ZC3H8: variants seen among roughly 807,000 people sequenced by gnomAD.
The protein encoded by ZC3H8 is zinc finger CCCH domain-containing protein 8.
In ZC3H8, 27 loss-of-function variants were observed where a neutral mutation model predicts 42.5. The observed-to-expected ratio is 0.64, with a 90% confidence interval of 0.47 to 0.88. ZC3H8 has a LOEUF of 0.88. Among genes scored for constraint, ZC3H8 ranks in the 40% least tolerant of loss-of-function variants. ZC3H8 has a pLI of 0.00. For missense variants in ZC3H8, 277 were observed against 336.1 expected (o/e 0.82, Z 1.37); for synonymous variants, 101 against 110.1 (o/e 0.92, Z 0.52).
chr2:112,215,476 T>C lies in ZC3H8; in HGVS notation c.*1008A>G, dbSNP rs1417423592. The C allele has an allele frequency of 2.0e-5, 3 of 152,186 alleles. No homozygotes were observed. Among genetic ancestry groups the C allele is most frequent in the African/African-American group, 7.2e-5 (3 of 41,440 alleles). 9.4% of individuals were successfully genotyped at this position (152,186 alleles called of 1,614,324 possible). On this transcript the variant is annotated 3_prime_UTR_variant, in exon 9 of 9. Transcript: ENST00000409573. ...AATTCCCTTTCTTGCTTTAGCAGGA[T>C]TAGATAACAATGAAAATAACTTTGA...
chr2:112,222,388 G>C (rs1043849849), intron 8 of ZC3H8, among the ~76,000 whole-genome samples: 17 of 152,124 alleles, frequency 1.1e-4, no homozygotes, highest in Non-Finnish European at 1.8e-4. Flanking sequence ...TACAAGAGGT[G>C]GGGGGAGGGT....
chr2:112,215,704 G>C lies in ZC3H8; in HGVS notation c.*780C>G, dbSNP rs1684292305. ...CATATTTAGAATCTCATTATTATTT[G>C]TACTTGGAACATTAGTATTTGAATC... is the stretch of plus-strand genomic sequence containing the variant. On this transcript the variant is annotated 3_prime_UTR_variant, in exon 9 of 9. Coordinates refer to ENST00000409573, the MANE Select transcript of ZC3H8 (RefSeq NM_032494.3). 6.6e-6 allele frequency: 1 copy of C among 151,974 alleles called. No individual in the cohort carries two copies. Among genetic ancestry groups the C allele is most frequent in the African/African-American group, 2.4e-5 (1 of 41,368 alleles). 9.4% of individuals were successfully genotyped at this position (151,974 alleles called of 1,614,324 possible).
rs145856971 is a variant in ZC3H8 at position 112,252,325 on chromosome 2, A to T, written c.75-2053T>A. Among the ~76,000 whole-genome samples the T allele has an allele frequency of 2.8e-3, 432 of 152,302 alleles. 1 individual carries two copies. Among genetic ancestry groups the T allele is most frequent in the African/African-American group, 9.8e-3 (406 of 41,580 alleles). On this transcript the variant is annotated intron_variant, in intron 1 of 8. Transcript: ENST00000409573. ...CTCTCAAGATCCCTACCAAAACCTTAAAGTCAATCTTGATTCCTCTCTCAC... is the reference window on the plus strand; with the variant it reads ...CTCTCAAGATCCCTACCAAAACCTTTAAGTCAATCTTGATTCCTCTCTCAC...
At chr2:112,222,547 T>C (rs1286146141) in intron 8 of ZC3H8, among the ~76,000 whole-genome samples, 3 of 152,176 alleles carry the variant, frequency 2.0e-5, no homozygotes, top group African/African-American at 7.2e-5. Context: ...ACAAATACTA[T>C]ATGATTTCAC....
chr2:112,231,952 C>G lies in ZC3H8; in HGVS notation c.734-5G>C, dbSNP rs781135871. The G allele has an allele frequency of 3.4e-6, 5 of 1,467,638 alleles. No homozygotes were observed. The highest frequency in any genetic ancestry group is 4.7e-6 in the Non-Finnish European group (5 of 1,066,630). 90.9% of individuals were successfully genotyped at this position (1,467,638 alleles called of 1,614,324 possible). A position where few individuals can be genotyped will look rare whatever the true frequency, so the allele number is the denominator to read the frequency against. On this transcript the variant is annotated splice_region_variant and splice_polypyrimidine_tract_variant and intron_variant, in intron 6 of 8. Transcript: ENST00000409573. ...AAAACTTACAAGGATATTCATGTAACCCAAGTGTTAAGGAAGAGAACAATT... is the reference window on the plus strand; with the variant it reads ...AAAACTTACAAGGATATTCATGTAAGCCAAGTGTTAAGGAAGAGAACAATT...
intron 2 of ZC3H8, among the ~76,000 whole-genome samples, chr2:112,245,881 C>A (rs901025482): frequency 5.3e-5 from 8 of 152,148 alleles, no homozygotes; most frequent in African/African-American, 1.9e-4. Context: ...ACAATCTATG[C>A]ATGTAACAAA....
chr2:112,220,633 C>T (rs1684541565), intron 8 of ZC3H8, among the ~76,000 whole-genome samples: 1 of 152,058 alleles, frequency 6.6e-6, no homozygotes, highest in African/African-American at 2.4e-5. Flanking sequence ...ACCAGCCTGA[C>T]CAACATGGAG....
intron 4 of ZC3H8, among the ~76,000 whole-genome samples, chr2:112,234,458 G>A (rs1052482484): frequency 2.0e-5 from 3 of 152,102 alleles, no homozygotes; most frequent in Non-Finnish European, 2.9e-5. Flanking sequence ...GTATTGATTT[G>A]AATATTTTAT....
chr2:112,233,873 AAAAT>A (rs1287213932), intron 5 of ZC3H8, among the ~76,000 whole-genome samples: 3 of 152,270 alleles, frequency 2.0e-5, no homozygotes, highest in Non-Finnish European at 1.5e-5. Context: ...CATCTCAAAA[AAAAT>A]AAATAAATAC....
chr2:112,248,637 C>T (rs928164596), intron 2 of ZC3H8, among the ~76,000 whole-genome samples: 1 of 152,048 alleles, frequency 6.6e-6, no homozygotes, highest in Non-Finnish European at 1.5e-5. Context: ...ATTACAGGTG[C>T]CTGCCACCAT....
chr2:112,213,588 A>G lies in ZC3H8; in HGVS notation c.*2896T>C, dbSNP rs1684213181. On this transcript the variant is annotated 3_prime_UTR_variant, in exon 9 of 9. Coordinates refer to ENST00000409573, the MANE Select transcript of ZC3H8 (RefSeq NM_032494.3). ...TCAGGAGATCGAGACCATCTTGGCT[A>G]ATACAGTGAAACCCAGTCTCTACTA... The G allele has an allele frequency of 6.6e-6, 1 of 151,486 alleles. No homozygotes were observed. The highest frequency in any genetic ancestry group is 1.5e-5 in the Non-Finnish European group (1 of 67,920). The allele number at this position is 151,486 out of a possible 1,614,324, so 9.4% of individuals were successfully genotyped here. A position where few individuals can be genotyped will look rare whatever the true frequency, so the allele number is the denominator to read the frequency against.
rs567958225 is a variant in ZC3H8, at chr2:112,234,003, A to G, written c.621+117T>C. ...AAGAATACTTCACTAAAATTTTCTA[A>G]CTGATTTTTTTCCAGAATGAAACAG... On this transcript the variant is annotated intron_variant, in intron 5 of 8. Transcript: ENST00000409573. The G allele has an allele frequency of 1.1e-4, 69 of 615,172 alleles. No individual in the cohort carries two copies. The African/African-American group carries it at 1.2e-3, about 11-fold the overall frequency. 38.1% of individuals were successfully genotyped at this position (615,172 alleles called of 1,614,324 possible).
intron 6 of ZC3H8, 104 bp from the exon 7 acceptor site, chr2:112,232,051 A>G: frequency 1.6e-6 from 1 of 607,008 alleles, no homozygotes; most frequent in Non-Finnish European, 2.6e-6. Context: ...TGGCCGGGCG[A>G]GGTGGCTCAT....
intron 5 of ZC3H8, among the ~76,000 whole-genome samples, chr2:112,233,911 G>GGT (rs1372414879): frequency 6.6e-6 from 1 of 152,066 alleles, no homozygotes; most frequent in Non-Finnish European, 1.5e-5. Flanking sequence ...ATCTGACTCA[G>GGT]GTGATCCACC....
At chr2:112,253,587 A>G (rs1272005340) in intron 1 of ZC3H8, among the ~76,000 whole-genome samples, 1 of 152,200 alleles carries the variant, frequency 6.6e-6, no homozygotes, top group Non-Finnish European at 1.5e-5. Context: ...CAAAAAGGAG[A>G]AAAATGGGCA....
At chr2:112,239,892 A>G (rs1685512068) in intron 2 of ZC3H8, among the ~76,000 whole-genome samples, 1 of 152,130 alleles carries the variant, frequency 6.6e-6, no homozygotes, top group African/African-American at 2.4e-5. Context: ...GCAACAGTTT[A>G]CTTCTGATGG....
rs1398165537 is a variant in ZC3H8 at position 112,211,917 on chromosome 2, C to T, written c.*4567G>A. On this transcript the variant is annotated 3_prime_UTR_variant, in exon 9 of 9. Transcript: ENST00000409573. Reference sequence around the variant, plus strand: ...TATACATTCTCCCCTCTCCTCTTAACCCTTCTAAATATATCTACTCTTCCT... The same window carrying T: ...TATACATTCTCCCCTCTCCTCTTAATCCTTCTAAATATATCTACTCTTCCT... 6.6e-6 allele frequency: 1 copy of T among 152,206 alleles called. No homozygotes were observed. Among genetic ancestry groups the T allele is most frequent in the South Asian group, 2.1e-4 (1 of 4,836 alleles). The allele number at this position is 152,206 out of a possible 1,614,324, so 9.4% of individuals were successfully genotyped here.
At chr2:112,235,741 T>A (rs1685290053) in intron 4 of ZC3H8, among the ~76,000 whole-genome samples, 1 of 151,870 alleles carries the variant, frequency 6.6e-6, no homozygotes, top group African/African-American at 2.4e-5. Context: ...AAAATCAAAA[T>A]ACAGGAAGGT....
intron 8 of ZC3H8, 124 bp from the exon 9 acceptor site, chr2:112,216,592 A>T (rs1482048055): frequency 6.6e-6 from 1 of 152,196 alleles, no homozygotes; most frequent in Admixed American, 6.5e-5. Flanking sequence ...GAAGAAAACA[A>T]GCAAAAATCC....
Sources: gnomAD v4.1 joint callset for allele counts (sites outside exome capture counted in the v4.1 genomes callset) on GRCh38, gnomAD v4.1.1 for gene constraint, MANE v1.5 for transcripts, NCBI Gene and HGNC (gene_info 2026-07-23, HGNC 2026-07-21) for gene names.